The following DGLUCY variants were observed in gnomAD, a reference collection of about 807,000 sequenced individuals.
The protein encoded by DGLUCY is D-glutamate cyclase, mitochondrial.
In DGLUCY, 58 loss-of-function variants were observed where a neutral mutation model predicts 58.5. The observed-to-expected ratio is 0.99, with a 90% CI of 0.80 to 1.23. The LOEUF (loss-of-function observed/expected upper bound fraction) is 1.23. Ranked by LOEUF, DGLUCY falls within the 50% of genes most tolerant of loss-of-function variation. The pLI is 0.00. For missense variants in DGLUCY, 779 were observed against 784.7 expected (o/e 0.99, Z 0.09); for synonymous variants, 325 against 314.1 (o/e 1.03, Z -0.37).
intron 1 of DGLUCY, among the ~76,000 whole-genome samples, chr14:91,074,170 C>CACACACACACACACACACACA (rs2043976414): frequency 7.0e-6 from 1 of 143,688 alleles, no homozygotes; most frequent in African/African-American, 2.6e-5. Flanking sequence ...CAGTCAAGCA[C>CACACACACACACACACACACA]CTGTATTCCC....
intron 11 of DGLUCY, among the ~76,000 whole-genome samples, chr14:91,204,452 C>T (rs1017553432): frequency 5.9e-5 from 9 of 152,196 alleles, no homozygotes. Context: ...CGTGCTCCAT[C>T]TTTGCTGGAG....
intron 1 of DGLUCY, among the ~76,000 whole-genome samples, chr14:91,138,210 A>G (rs539326892): frequency 1.0e-3 from 158 of 152,266 alleles, no homozygotes; most frequent in African/African-American, 3.6e-3. Context: ...AGAAATACGC[A>G]GCTGGGCGCG....
chr14:91,162,888 A>C (rs545150495), intron 3 of DGLUCY, among the ~76,000 whole-genome samples: 28 of 144,996 alleles, frequency 1.9e-4, no homozygotes, highest in South Asian at 4.4e-4. Flanking sequence ...CAAGAGCGAA[A>C]CTCTGTCTCA....
At chr14:91,121,362 C>T (rs548171232) in intron 1 of DGLUCY, among the ~76,000 whole-genome samples, 1 of 152,232 alleles carries the variant, frequency 6.6e-6, no homozygotes, top group Non-Finnish European at 1.5e-5. Flanking sequence ...ACCCTCCTCT[C>T]CTGTGGGGAT....
intron 1 of DGLUCY, among the ~76,000 whole-genome samples, chr14:91,134,078 G>A (rs2140214892): frequency 6.6e-6 from 1 of 152,216 alleles, no homozygotes; most frequent in African/African-American, 2.4e-5. Context: ...TAGAGGACAA[G>A]CCCCCAACCC....
intron 1 of DGLUCY, among the ~76,000 whole-genome samples, chr14:91,082,333 C>G (rs555397928): frequency 2.0e-5 from 3 of 152,214 alleles, no homozygotes; most frequent in African/African-American, 7.2e-5. Context: ...TTCTGACCAT[C>G]ATTTTAACCA....
upstream of DGLUCY, among the ~76,000 whole-genome samples, chr14:91,106,536 G>A (rs541117744): frequency 3.3e-4 from 50 of 151,460 alleles, no homozygotes; most frequent in South Asian, 1.5e-3. Context: ...GTGAAACCCC[G>A]TCTCTACTAA....
intron 1 of DGLUCY, among the ~76,000 whole-genome samples, chr14:91,124,868 G>T (rs1374306081): frequency 1.3e-5 from 2 of 152,186 alleles, no homozygotes; most frequent in Non-Finnish European, 2.9e-5. Context: ...GTACTTTAAT[G>T]TTCTTAGCTC....
chr14:91,169,893 A>G, intron 4 of DGLUCY, 110 bp from the exon 5 acceptor site: 1 of 1,210,046 alleles, frequency 8.3e-7, no homozygotes, highest in Non-Finnish European at 1.2e-6. Context: ...CCAGGGCTGA[A>G]AATTTCAGCA....
chr14:91,145,414 T>G (rs975492218), intron 1 of DGLUCY: 3 of 152,260 alleles, frequency 2.0e-5, no homozygotes, highest in Non-Finnish European at 4.4e-5. Context: ...TGTACCCACC[T>G]CACAGCCTGA....
chr14:91,187,220 G>A (rs1421879884), intron 8 of DGLUCY, among the ~76,000 whole-genome samples: 1 of 152,056 alleles, frequency 6.6e-6, no homozygotes, highest in Non-Finnish European at 1.5e-5. Context: ...GGCTGGTCTT[G>A]AACTCCTGAC....
chr14:91,068,079 G>GCGCGCGCACA (rs375738080), intron 1 of DGLUCY, among the ~76,000 whole-genome samples: 20 of 146,434 alleles, frequency 1.4e-4, no homozygotes, highest in Middle Eastern at 3.5e-3. Context: ...ACACGCGCAC[G>GCGCGCGCACA]CACACACACA....
At chr14:91,159,717 A>G (rs1425380554) in intron 2 of DGLUCY, among the ~76,000 whole-genome samples, 1 of 152,206 alleles carries the variant, frequency 6.6e-6, no homozygotes, top group Non-Finnish European at 1.5e-5. Context: ...CTAAATCTAA[A>G]TAAGGGAAGT....
chr14:91,097,905 G>A lies in DGLUCY; in HGVS notation c.-82+37201G>A, dbSNP rs117840488. On this transcript the variant is annotated intron_variant, in intron 1 of 4. Coordinates refer to the DGLUCY transcript ENST00000521334. ...CCTCCTACCTTGTATGATGTCACTT[G>A]TATCCAGTGGTGTTTTAGTAAATGT... is the stretch of plus-strand genomic sequence containing the variant. Among the ~76,000 whole-genome samples, 127 of 152,300 alleles carry A rather than the reference G, an allele frequency of 8.3e-4. 2 individuals carry two copies. The East Asian group carries it at 0.024, about 29-fold the overall frequency.
chr14:91,114,782 G>A (rs938759430), intron 1 of DGLUCY: 1 of 152,330 alleles, frequency 6.6e-6, no homozygotes, highest in East Asian at 1.9e-4. Context: ...TCCCTGTTTT[G>A]AAGAGTGAGT....
intron 7 of DGLUCY, among the ~76,000 whole-genome samples, chr14:91,179,796 G>A (rs1160538533): frequency 1.3e-5 from 2 of 150,306 alleles, no homozygotes; most frequent in Non-Finnish European, 3.0e-5. Context: ...AAACCATCGA[G>A]GGCTTACTCT....
At chr14:91,206,166 C>T (rs577594103) in intron 12 of DGLUCY, among the ~76,000 whole-genome samples, 1 of 151,982 alleles carries the variant, frequency 6.6e-6, no homozygotes, top group East Asian at 2.0e-4. Context: ...CACCTTTCTT[C>T]AGCCTTCCAC....
chr14:91,104,028 C>G (rs1051701450), upstream of DGLUCY, among the ~76,000 whole-genome samples: 3 of 150,004 alleles, frequency 2.0e-5, no homozygotes, highest in Non-Finnish European at 4.4e-5. Context: ...GATTTTGTAC[C>G]TGGGGACATC....
intron 1 of DGLUCY, chr14:91,128,825 C>T (rs922045690): frequency 4.0e-5 from 6 of 151,860 alleles, no homozygotes; most frequent in African/African-American, 1.5e-4. Flanking sequence ...CCTCTGCTCA[C>T]CCCCTGTATT....
Sources: allele counts gnomAD v4.1 joint callset (sites outside exome capture counted in the v4.1 genomes callset), GRCh38; gene constraint gnomAD v4.1.1; transcripts MANE v1.5; gene names NCBI Gene and HGNC (gene_info 2026-07-23, HGNC 2026-07-21).